The following CUL2 variants were observed in gnomAD, a reference collection of about 807,000 sequenced individuals.
CUL2 encodes cullin 2.
CUL2 carries 22 observed loss-of-function variants against 110.2 expected under a neutral mutation model. That is an observed-to-expected ratio of 0.20 (90% CI 0.14 to 0.28). The LOEUF (loss-of-function observed/expected upper bound fraction) is 0.28. Among genes scored for constraint, CUL2 ranks in the 10% least tolerant of loss-of-function variants. The pLI is 1.00. For synonymous variants in CUL2, 279 were observed against 293.2 expected (o/e 0.95, Z 0.49); for missense variants, 631 against 905.5 (o/e 0.70, Z 3.89).
chr10:35,072,948 A>G (rs1262693131), intron 1 of CUL2, among the ~76,000 whole-genome samples: 1 of 152,138 alleles, frequency 6.6e-6, no homozygotes, highest in Admixed American at 6.6e-5. Flanking sequence ...GGGGAGGCAG[A>G]GAATGGGGAG....
intron 8 of CUL2, among the ~76,000 whole-genome samples, chr10:35,044,083 C>T (rs965275866): frequency 2.0e-5 from 3 of 147,470 alleles, no homozygotes; most frequent in African/African-American, 5.0e-5. Context: ...AAACACCTCA[C>T]GTGGGGTTGT....
intron 1 of CUL2, among the ~76,000 whole-genome samples, chr10:35,101,509 G>A (rs2135108286): frequency 6.6e-6 from 1 of 152,288 alleles, no homozygotes; most frequent in East Asian, 1.9e-4. Context: ...CTACAATGAA[G>A]ACTTAAGTGA....
rs2134720899 is a variant in CUL2 at position 35,031,487 on chromosome 10, A to G, written c.1299+4T>C. 2 of 1,613,690 alleles carry G rather than the reference A, an allele frequency of 1.2e-6. No homozygotes were observed. Among genetic ancestry groups the G allele is most frequent in the Non-Finnish European group, 8.5e-7 (1 of 1,179,712 alleles). The stretch of plus-strand genomic sequence containing the variant: ...CAAATGAAACTTTTCTGTTCACAAC[A>G]TACCTTTTGAAAGACGTCCTTGTCA... On this transcript the variant is annotated splice_donor_region_variant and intron_variant, in intron 13 of 20. Coordinates refer to ENST00000374749, the MANE Select transcript of CUL2 (RefSeq NM_003591.4). The surrounding 1 kb of genome is among the most constrained non-coding windows in gnomAD (Gnocchi z 4.4).
intron 8 of CUL2, among the ~76,000 whole-genome samples, chr10:35,044,194 GA>G (rs1588990458): frequency 6.6e-6 from 1 of 151,238 alleles, no homozygotes; most frequent in Admixed American, 6.6e-5. Flanking sequence ...TTTAAAGGAA[GA>G]AAAAAACCTC....
intron 2 of CUL2, among the ~76,000 whole-genome samples, chr10:35,067,168 A>T (rs1023710206): frequency 2.6e-5 from 4 of 151,408 alleles, no homozygotes; most frequent in East Asian, 1.9e-4. Flanking sequence ...AGAAATGAAG[A>T]CAACAGTATG....
intron 6 of CUL2, among the ~76,000 whole-genome samples, chr10:35,047,251 A>C (rs972269537): frequency 5.3e-5 from 8 of 152,198 alleles, no homozygotes; most frequent in African/African-American, 1.9e-4. Context: ...TATTTGCTTA[A>C]TTCTCTATGA....
intron 4 of CUL2, among the ~76,000 whole-genome samples, chr10:35,056,687 T>C (rs948915875): frequency 1.3e-5 from 2 of 152,142 alleles, no homozygotes; most frequent in African/African-American, 4.8e-5. Context: ...TACAAACAAA[T>C]ATAAGATTTC....
chr10:35,097,374 A>G (rs1302547593), intron 2 of CUL2, among the ~76,000 whole-genome samples: 2 of 151,742 alleles, frequency 1.3e-5, no homozygotes, highest in African/African-American at 4.8e-5. Flanking sequence ...GAAGTGCAAG[A>G]CCAGCCTGGG....
chr10:35,021,903 AG>A (rs2085209272), intron 17 of CUL2, among the ~76,000 whole-genome samples: 1 of 67,032 alleles, frequency 1.5e-5, no homozygotes, highest in Admixed American at 2.1e-4. Context: ...AGGTGGGGTG[AG>A]GTGGGGCGAA....
intron 2 of CUL2, among the ~76,000 whole-genome samples, chr10:35,066,596 G>A (rs559498245): frequency 5.3e-5 from 8 of 152,224 alleles, no homozygotes; most frequent in African/African-American, 9.6e-5. Flanking sequence ...ACTGCGCCCC[G>A]CCAGATTTGC....
At chr10:35,060,844 A>G (rs2086363529) in intron 4 of CUL2, 30 bp downstream of exon 4, 1 of 1,565,246 alleles carries the variant, frequency 6.4e-7, no homozygotes, top group East Asian at 2.2e-5. Flanking sequence ...AACGCTGCTT[A>G]GCTTGTCTAG....
At chr10:35,058,112 A>T (rs1009986095) in intron 4 of CUL2, among the ~76,000 whole-genome samples, 1 of 152,222 alleles carries the variant, frequency 6.6e-6, no homozygotes, top group African/African-American at 2.4e-5. Flanking sequence ...TAGTAATAAA[A>T]TTTTTAAAAA....
chr10:35,051,630 C>G (rs1049524159), intron 5 of CUL2, among the ~76,000 whole-genome samples: 7 of 152,068 alleles, frequency 4.6e-5, no homozygotes. Flanking sequence ...ACAACAACAA[C>G]AAAAAATAGT....
intron 1 of CUL2, among the ~76,000 whole-genome samples, chr10:35,087,328 C>A (rs1352110141): frequency 6.6e-6 from 1 of 152,130 alleles, no homozygotes; most frequent in African/African-American, 2.4e-5. Context: ...ATTAGTATAC[C>A]AATAAATAAA....
chr10:35,073,929 G>A, intron 1 of CUL2: 1 of 663,760 alleles, frequency 1.5e-6, no homozygotes, highest in Middle Eastern at 3.9e-4. Flanking sequence ...TTCTGAATAA[G>A]AAAACTGAGT....
intron 10 of CUL2, among the ~76,000 whole-genome samples, chr10:35,033,649 A>T (rs2134732870): frequency 6.6e-6 from 1 of 152,146 alleles, no homozygotes; most frequent in Non-Finnish European, 1.5e-5. Context: ...AGGCAGGGGA[A>T]CTGCTGGAAC....
chr10:35,112,352 G>C (rs2087533375), intron 1 of CUL2, among the ~76,000 whole-genome samples: 2 of 152,196 alleles, frequency 1.3e-5, no homozygotes, highest in Admixed American at 6.5e-5. Flanking sequence ...GTGCAGGACT[G>C]TGATCCCCGA....
intron 3 of CUL2, 123 bp downstream of exon 3, chr10:35,062,837 T>A (rs901686809): frequency 4.6e-5 from 29 of 624,642 alleles, no homozygotes; most frequent in Non-Finnish European, 7.5e-5. Context: ...ACCCTGTATT[T>A]AAAAAAAGCA....
chr10:35,039,856 AAAAAAT>A (rs138264137), intron 8 of CUL2, among the ~76,000 whole-genome samples: 4,489 of 152,132 alleles, frequency 0.03, 217 homozygotes, highest in African/African-American at 0.1. Context: ...CACTGTCTCA[AAAAAAT>A]AAAAATAAGG....
Sources: allele counts gnomAD v4.1 joint callset (sites outside exome capture counted in the v4.1 genomes callset), GRCh38; gene constraint gnomAD v4.1.1; non-coding constraint Gnocchi (gnomAD v3.1); transcripts MANE v1.5; gene names NCBI Gene and HGNC (gene_info 2026-07-23, HGNC 2026-07-21).